The following NDUFA12 variants were observed in gnomAD, a reference collection of about 807,000 sequenced individuals.
NDUFA12 encodes NADH:ubiquinone oxidoreductase subunit A12, also known as NADH dehydrogenase [ubiquinone] 1 alpha subcomplex subunit 12.
In NDUFA12, 17 loss-of-function variants were observed where a neutral mutation model predicts 20.3. The ratio of observed to expected loss-of-function variants is 0.84; its 90% confidence interval spans 0.57 to 1.26. The LOEUF is 1.26. Among genes scored for constraint, NDUFA12 ranks in the 50% most tolerant of loss-of-function variants. The pLI is 0.00. For missense variants in NDUFA12, 191 were observed against 183.7 expected (o/e 1.04, Z -0.23); for synonymous variants, 72 against 63.6 (o/e 1.13, Z -0.63).
At chr12:94,983,977 CAAG>C (rs966104915) in intron 3 of NDUFA12, among the ~76,000 whole-genome samples, 3 of 151,774 alleles carry the variant, frequency 2.0e-5, no homozygotes, top group African/African-American at 7.3e-5. Context: ...CCTGTCCACA[CAAG>C]GAGAAGGGAG....
In NDUFA12 at chr12:94,985,002, C is replaced by CATAACATAAAATAACTTAAGATAAA. The variant is rs140889669; in HGVS notation, c.257+9167_257+9168insTTTATCTTAAGTTATTTTATGTTAT. ...AAAAATTAAAATTAACATAACATAA[C>CATAACATAAAATAACTTAAGATAAA]ATAAAATAAGATAAAATAAAATAAA... On this transcript the variant is annotated intron_variant, in intron 3 of 3. Transcript: ENST00000327772. 1.9e-3 allele frequency among the ~76,000 whole-genome samples: 260 copies of CATAACATAAAATAACTTAAGATAAA among 134,884 alleles called. 2 individuals are homozygous for CATAACATAAAATAACTTAAGATAAA. Among genetic ancestry groups the CATAACATAAAATAACTTAAGATAAA allele is most frequent in the African/African-American group, 6.6e-3 (237 of 35,690 alleles). The allele number at this position is 134,884 out of a possible 152,430, so 88.5% of individuals were successfully genotyped here. A position where few individuals can be genotyped will look rare whatever the true frequency, so the allele number is the denominator to read the frequency against.
At chr12:94,984,768 TA>T (rs1257789389) in intron 3 of NDUFA12, among the ~76,000 whole-genome samples, 1 of 124,778 alleles carries the variant, frequency 8.0e-6, no homozygotes, top group African/African-American at 3.1e-5. Context: ...TATATGGAAT[TA>T]AAAAAACTCA....
At chr12:94,987,419 G>A (rs938450754) in intron 3 of NDUFA12, among the ~76,000 whole-genome samples, 1 of 152,188 alleles carries the variant, frequency 6.6e-6, no homozygotes, top group Admixed American at 6.5e-5. Flanking sequence ...GACAACTGAC[G>A]AAACCTGAGT....
chr12:94,984,531 C>G (rs1415393707), intron 3 of NDUFA12, among the ~76,000 whole-genome samples: 2 of 149,912 alleles, frequency 1.3e-5, no homozygotes, highest in Non-Finnish European at 3.0e-5. Context: ...ACTCCGTCTC[C>G]AAAGAAACAA....
At chr12:94,996,206 G>A (rs1363581111) in intron 2 of NDUFA12, among the ~76,000 whole-genome samples, 4 of 151,778 alleles carry the variant, frequency 2.6e-5, no homozygotes, top group Admixed American at 6.6e-5. Flanking sequence ...ACCCTGTCTC[G>A]AAATAAAAGA....
chr12:94,985,653 T>G (rs1874410547), intron 3 of NDUFA12, among the ~76,000 whole-genome samples: 1 of 145,056 alleles, frequency 6.9e-6, no homozygotes, highest in Non-Finnish European at 1.5e-5. Context: ...AAAAAGCGGT[T>G]GGCAGGGACA....
intron 3 of NDUFA12, among the ~76,000 whole-genome samples, chr12:94,992,152 A>G (rs757625925): frequency 6.6e-6 from 1 of 152,260 alleles, no homozygotes; most frequent in Non-Finnish European, 1.5e-5. Flanking sequence ...GTTTAATTGT[A>G]TATCAACTGT....
intron 3 of NDUFA12, among the ~76,000 whole-genome samples, chr12:94,978,028 GTT>G (rs113060515): frequency 0.072 from 11,025 of 152,170 alleles, 464 homozygotes; most frequent in Middle Eastern, 0.18. Context: ...TATGTTCACT[GTT>G]CAAGGAAAAG....
chr12:95,000,283 C>T (rs1874980176), intron 2 of NDUFA12, among the ~76,000 whole-genome samples: 1 of 151,982 alleles, frequency 6.6e-6, no homozygotes, highest in Non-Finnish European at 1.5e-5. Flanking sequence ...TATGAGGATG[C>T]CAAGGTATAA....
At chr12:95,002,249 G>C (rs1055082818) in intron 2 of NDUFA12, among the ~76,000 whole-genome samples, 8 of 150,782 alleles carry the variant, frequency 5.3e-5, no homozygotes, top group African/African-American at 1.9e-4. Flanking sequence ...AGACCAGCCT[G>C]GCCAATATGG....
Position 94,971,358 on chromosome 12 carries a change from A to C in NDUFA12, c.*82T>G, listed in dbSNP as rs745627640. The C allele has an allele frequency of 1.2e-4, 175 of 1,459,354 alleles. No homozygotes were observed. The highest frequency in any genetic ancestry group is 1.6e-4 in the Non-Finnish European group (168 of 1,041,864). The allele number at this position is 1,459,354 out of a possible 1,614,324, so 90.4% of individuals were successfully genotyped here. On this transcript the variant is annotated 3_prime_UTR_variant, in exon 4 of 4. Transcript: ENST00000327772. ...TTTAGTCACACAATTTTAATTGTGA[A>C]TTATAGTGAATGGTAAACAGTAAAA...
chr12:94,971,462 G>A lies in NDUFA12; in HGVS notation c.416C>T (p.Pro139Leu), dbSNP rs1447666762. 6.2e-7 allele frequency: 1 copy of A among 1,614,180 alleles called. No homozygotes were observed. The highest frequency in any genetic ancestry group is 1.1e-5 in the South Asian group (1 of 91,084). ...TTRKKIQEWI[P>L]PSTPYK The stretch of plus-strand genomic sequence containing the variant: ...TCTTTACTTGTAAGGTGTTGAAGGT[G>A]GGATCCACTCCTGAATCTTCTTTCT... The change falls in exon 4 of 4, where the codon CCA becomes CTA. Residue 139 changes from proline to leucine, a missense_variant. Transcript: ENST00000327772.
At chr12:94,972,235 G>A (rs776476044) in intron 3 of NDUFA12, among the ~76,000 whole-genome samples, 1 of 152,060 alleles carries the variant, frequency 6.6e-6, no homozygotes, top group Admixed American at 6.6e-5. Flanking sequence ...GCCCATTACT[G>A]TATCTTATCA....
intron 3 of NDUFA12, among the ~76,000 whole-genome samples, chr12:94,978,113 A>G (rs1373637875): frequency 2.6e-5 from 4 of 152,246 alleles, no homozygotes; most frequent in Admixed American, 6.5e-5. Flanking sequence ...CTGTGATCAC[A>G]TAACGCCTCG....
chr12:94,975,136 C>T (rs1874026101), intron 3 of NDUFA12, among the ~76,000 whole-genome samples: 1 of 152,102 alleles, frequency 6.6e-6, no homozygotes, highest in Admixed American at 6.6e-5. Context: ...ATATATACAC[C>T]TACTATGTAC....
chr12:94,995,101 G>C (rs1874776300), intron 2 of NDUFA12, among the ~76,000 whole-genome samples: 1 of 152,124 alleles, frequency 6.6e-6, no homozygotes, highest in South Asian at 2.1e-4. Flanking sequence ...CCTGCCAATA[G>C]GGAACACTGA....
chr12:94,979,805 A>T (rs1362928654), intron 3 of NDUFA12, among the ~76,000 whole-genome samples: 1 of 151,182 alleles, frequency 6.6e-6, no homozygotes. Context: ...ACTGCACTCC[A>T]GCCTGGGTGA....
rs1254850241 is a variant in NDUFA12 at position 95,002,764 on chromosome 12, G to C, written c.144C>G (p.Tyr48Ter). The part of the protein sequence containing the change: ...LVGEDKYGNK[Y>*]YEDNKQFFGR... ...CAAAAAATTGCTTGTTGTCTTCATA[G>C]TATTTGTTTCCATATTTGTCTTCCC... Residue 48 changes from tyrosine to a stop codon, truncating the protein, a stop_gained, in exon 2 of 4, where the codon TAC becomes TAG. Transcript: ENST00000327772. LOFTEE classifies it high-confidence loss of function. 1 of 1,613,952 alleles carries C rather than the reference G, an allele frequency of 6.2e-7. No homozygotes were observed. Among genetic ancestry groups the C allele is most frequent in the Non-Finnish European group, 8.5e-7 (1 of 1,179,904 alleles).
intron 3 of NDUFA12, among the ~76,000 whole-genome samples, chr12:94,975,239 T>C (rs1008699400): frequency 1.6e-4 from 25 of 152,164 alleles, no homozygotes; most frequent in Non-Finnish European, 7.3e-5. Flanking sequence ...GGGAAAATAT[T>C]TGTAATATAC....
Sources: allele counts gnomAD v4.1 joint callset (sites outside exome capture counted in the v4.1 genomes callset), GRCh38; gene constraint gnomAD v4.1.1; transcripts MANE v1.5; gene names NCBI Gene and HGNC (gene_info 2026-07-23, HGNC 2026-07-21).